The following RRM2 variants were observed in gnomAD, a reference collection of about 807,000 sequenced individuals.
RRM2 encodes ribonucleotide reductase regulatory subunit M2, also known as ribonucleoside-diphosphate reductase subunit M2.
Under a neutral mutation model 45.9 loss-of-function variants are expected in RRM2, and 6 were observed. The ratio of observed to expected loss-of-function variants is 0.13; its 90% CI spans 0.07 to 0.26. The LOEUF (loss-of-function observed/expected upper bound fraction) is 0.26. RRM2 is among the 10% of genes least tolerant of loss of function. The pLI is 1.00. For synonymous variants in RRM2, 177 were observed against 173.0 expected (o/e 1.02, Z -0.18); for missense variants, 343 against 489.5 (o/e 0.70, Z 2.82).
chr2:10,168,153 G>A (rs891049752), intron 3 of RRM2, among the ~76,000 whole-genome samples: 21 of 150,072 alleles, frequency 1.4e-4, no homozygotes, highest in African/African-American at 4.7e-4. Context: ...ACCCTGCTCC[G>A]GCTATTAATT....
At chr2:10,143,533 C>T (rs569935044) in intron 3 of RRM2, among the ~76,000 whole-genome samples, 5 of 152,320 alleles carry the variant, frequency 3.3e-5, no homozygotes, top group Admixed American at 6.5e-5. Flanking sequence ...AATGAATGAG[C>T]GAGTGAGTGA....
intron 3 of RRM2, among the ~76,000 whole-genome samples, chr2:10,174,562 G>A (rs1343341328): frequency 8.4e-6 from 1 of 119,456 alleles, no homozygotes; most frequent in Non-Finnish European, 1.7e-5. Flanking sequence ...GTAGACTACT[G>A]AATTATTTCC....
In RRM2 at chr2:10,171,615, C is replaced by T. The variant is rs1354447693; in HGVS notation, n.482+29240C>T. Among the ~76,000 whole-genome samples the T allele has an allele frequency of 6.6e-6, 1 of 152,166 alleles. No individual in the cohort carries two copies. The highest frequency in any genetic ancestry group is 1.5e-5 in the Non-Finnish European group (1 of 68,034). ...ATGCTGAACAAAGGAACAGGGTGAT[C>T]TGGGAGCAGCAGCAGCCGCTGTCCT... On this transcript the variant is annotated intron_variant and non_coding_transcript_variant, in intron 3 of 3. Coordinates refer to the RRM2 transcript ENST00000381786. This position sits in a 1 kb window ranked among gnomAD's most constrained non-coding sequence, Gnocchi z 4.1.
chr2:10,198,007 C>A (rs898756513), intron 3 of RRM2, among the ~76,000 whole-genome samples: 2 of 152,174 alleles, frequency 1.3e-5, no homozygotes, highest in African/African-American at 4.8e-5. Flanking sequence ...CTCCTAAGCA[C>A]GTCCGCTCTG....
chr2:10,210,284 C>G (rs1268601554), intron 3 of RRM2: 1 of 1,353,916 alleles, frequency 7.4e-7, no homozygotes, highest in Non-Finnish European at 9.9e-7. Context: ...GGTTCAGTTA[C>G]CAAATCTTTC....
At chr2:10,143,478 C>T (rs1358788134) in intron 3 of RRM2, among the ~76,000 whole-genome samples, 1 of 152,216 alleles carries the variant, frequency 6.6e-6, no homozygotes, top group Non-Finnish European at 1.5e-5. Flanking sequence ...CCGTGTCCTC[C>T]GGTGTGCTCA....
At chr2:10,124,437 T>C (rs1295492933) in intron 4 of RRM2, among the ~76,000 whole-genome samples, 1 of 152,214 alleles carries the variant, frequency 6.6e-6, no homozygotes, top group Non-Finnish European at 1.5e-5. Flanking sequence ...TTTGCTGTTT[T>C]AATAATAATT....
upstream of RRM2, among the ~76,000 whole-genome samples, chr2:10,138,883 G>A (rs865859309): frequency 3.0e-4 from 45 of 152,174 alleles, no homozygotes; most frequent in Non-Finnish European, 5.4e-4. Context: ...CAAGGTGGGC[G>A]GATCATTTGA....
At chr2:10,178,655 G>A (rs1663981919) in intron 3 of RRM2, among the ~76,000 whole-genome samples, 1 of 152,120 alleles carries the variant, frequency 6.6e-6, no homozygotes, top group South Asian at 2.1e-4. Flanking sequence ...TAACCTTTTG[G>A]GATTGGCTTT....
At chr2:10,182,167 G>T (rs7590144) in intron 3 of RRM2, among the ~76,000 whole-genome samples, 31,915 of 151,838 alleles carry the variant, frequency 0.21, 3,681 homozygotes, top group East Asian at 0.51. Context: ...GTGAAACACT[G>T]TCTCTACTAA....
In RRM2 at chr2:10,128,888, T is replaced by A. The variant is rs777651566; in HGVS notation, c.839T>A (p.Leu280Gln). Reference protein sequence around the residue: ...CDFACLMFKHLVHKPSEERVR... With the variant: ...CDFACLMFKHQVHKPSEERVR... The stretch of plus-strand genomic sequence containing the variant: ...TTTGCTTGCCTGATGTTCAAACACC[T>A]GGTACACAAACCATCGGAGGAGAGA... The change falls in exon 8 of 10, where the codon CTG becomes CAG. Residue 280 changes from leucine to glutamine, a missense_variant. Transcript: ENST00000304567. 1 of 1,614,242 alleles carries A rather than the reference T, an allele frequency of 6.2e-7. No individual in the cohort carries two copies.
chr2:10,177,914 G>A (rs1236056691), intron 3 of RRM2, among the ~76,000 whole-genome samples: 2 of 151,162 alleles, frequency 1.3e-5, no homozygotes, highest in Admixed American at 6.6e-5. Flanking sequence ...GAGCCACTGC[G>A]CTCAAGCTTT....
intron 3 of RRM2, among the ~76,000 whole-genome samples, chr2:10,151,209 A>T (rs1663305016): frequency 1.3e-5 from 2 of 151,498 alleles, no homozygotes; most frequent in South Asian, 4.2e-4. Context: ...TGCCATATTT[A>T]TTCATCCATT....
chr2:10,142,409 A>C (rs1193064819), intron 3 of RRM2: 1 of 1,368,064 alleles, frequency 7.3e-7, no homozygotes, highest in Non-Finnish European at 9.8e-7. Flanking sequence ...CGGTGGGGGA[A>C]GAGGGGCCAC....
Position 10,127,323 on chromosome 2 carries a change from C to A in RRM2, c.798+103C>A. On this transcript the variant is annotated intron_variant, in intron 7 of 9. Transcript: ENST00000304567. This position sits in a 1 kb window ranked among gnomAD's most constrained non-coding sequence, Gnocchi z 4.1. Reference sequence around the variant, plus strand: ...CCTGAGATGCTAGATGGCATATATCCACATTTAATGTGTGAGTTCAACCAT... The same window carrying A: ...CCTGAGATGCTAGATGGCATATATCAACATTTAATGTGTGAGTTCAACCAT... 8.6e-7 allele frequency: 1 copy of A among 1,169,512 alleles called. No homozygotes were observed. The highest frequency in any genetic ancestry group is 1.2e-6 in the Non-Finnish European group (1 of 823,032). 72.4% of individuals were successfully genotyped at this position (1,169,512 alleles called of 1,614,324 possible).
chr2:10,202,731 C>T (rs968855470), intron 3 of RRM2, among the ~76,000 whole-genome samples: 5 of 152,130 alleles, frequency 3.3e-5, no homozygotes, highest in African/African-American at 1.2e-4. Context: ...AGCCATTAGG[C>T]TGCTGTTTTT....
At chr2:10,170,308 A>G (rs1191248666) in intron 3 of RRM2, among the ~76,000 whole-genome samples, 1 of 152,070 alleles carries the variant, frequency 6.6e-6, no homozygotes, top group African/African-American at 2.4e-5. Context: ...ATGACTTGGG[A>G]GTTGACTTGC....
intron 3 of RRM2, among the ~76,000 whole-genome samples, chr2:10,149,840 A>G (rs1663270711): frequency 6.6e-6 from 1 of 152,074 alleles, no homozygotes; most frequent in South Asian, 2.1e-4. Context: ...CCTGTATCTC[A>G]CATGCCACTG....
At chr2:10,149,025 T>C (rs1405799510) in intron 3 of RRM2, among the ~76,000 whole-genome samples, 1 of 152,204 alleles carries the variant, frequency 6.6e-6, no homozygotes, top group East Asian at 1.9e-4. Context: ...GAAGATACGA[T>C]GTTTTTCCTT....
Sources: gnomAD v4.1 joint callset for allele counts (sites outside exome capture counted in the v4.1 genomes callset) on GRCh38, gnomAD v4.1.1 for gene constraint, Gnocchi (gnomAD v3.1) non-coding constraint, MANE v1.5 for transcripts, NCBI Gene and HGNC (gene_info 2026-07-23, HGNC 2026-07-21) for gene names.